RIN2: variants seen among roughly 807,000 people sequenced by gnomAD.
RIN2 encodes the protein Ras and Rab interactor 2.
Under a neutral mutation model 78.0 loss-of-function variants are expected in RIN2, and 36 were observed. That is an observed-to-expected ratio of 0.46 (90% CI 0.35 to 0.61). The LOEUF (loss-of-function observed/expected upper bound fraction) is 0.61, where lower values mean the gene tolerates loss of function less well. RIN2 is among the 20% of genes least tolerant of loss of function. The pLI, the probability that RIN2 is intolerant of heterozygous loss-of-function variation, is 0.00. For synonymous variants in RIN2, 466 were observed against 466.8 expected, an observed-to-expected ratio of 1.00 and a Z score of 0.02; for missense variants, 1,087 against 1,159.7, an observed-to-expected ratio of 0.94 and a Z score of 0.91.
chr20:19,925,099 A>G (rs77100074), intron 3 of RIN2, among the ~76,000 whole-genome samples: 18 of 18,526 alleles, frequency 9.7e-4, no homozygotes, highest in East Asian at 0.021. Context: ...AATTTGTGGA[A>G]AAAAAAAAAA....
At chr20:19,981,702 A>G (rs1014669913) in intron 9 of RIN2, among the ~76,000 whole-genome samples, 2 of 152,224 alleles carry the variant, frequency 1.3e-5, no homozygotes, top group Non-Finnish European at 2.9e-5. Flanking sequence ...GAAGTGGATC[A>G]AAGCCCCAGT....
At chr20:19,758,586 T>G (rs2033483382) in intron 1 of RIN2, among the ~76,000 whole-genome samples, 1 of 152,120 alleles carries the variant, frequency 6.6e-6, no homozygotes, top group African/African-American at 2.4e-5. Context: ...TGGCCGCTGG[T>G]CCCGGCAGGG....
chr20:19,932,457 G>A (rs561824506), intron 3 of RIN2, among the ~76,000 whole-genome samples: 1 of 152,272 alleles, frequency 6.6e-6, no homozygotes, highest in South Asian at 2.1e-4. Flanking sequence ...ATTTGGCATT[G>A]TCAGACTTTT....
chr20:19,941,684 A>G (rs2040876708), intron 4 of RIN2, among the ~76,000 whole-genome samples: 2 of 152,128 alleles, frequency 1.3e-5, no homozygotes, highest in Admixed American at 6.6e-5. Flanking sequence ...TGATCAATTT[A>G]CCCCCAATCC....
At chr20:19,981,211 A>G (rs1319891724) in intron 9 of RIN2, among the ~76,000 whole-genome samples, 1 of 152,194 alleles carries the variant, frequency 6.6e-6, no homozygotes, top group Non-Finnish European at 1.5e-5. Context: ...GGCCTTGTCT[A>G]TACTTCTGGT....
chr20:19,914,613 G>A (rs1185293914), intron 3 of RIN2, among the ~76,000 whole-genome samples: 1 of 152,194 alleles, frequency 6.6e-6, no homozygotes, highest in African/African-American at 2.4e-5. Context: ...CGAGACACTG[G>A]ATATACCGAC....
At chr20:19,831,166 C>T (rs1157565395) in intron 2 of RIN2, among the ~76,000 whole-genome samples, 1 of 152,190 alleles carries the variant, frequency 6.6e-6, no homozygotes, top group African/African-American at 2.4e-5. Context: ...ACCCAATTCA[C>T]CTTAGAAATG....
chr20:19,988,116 A>G (rs1172680822), intron 9 of RIN2, among the ~76,000 whole-genome samples: 1 of 152,002 alleles, frequency 6.6e-6, no homozygotes, highest in African/African-American at 2.4e-5. Flanking sequence ...CAACTCAACT[A>G]TTTCTTTTGC....
chr20:19,870,569 C>A (rs2037660009), intron 2 of RIN2, among the ~76,000 whole-genome samples: 1 of 152,160 alleles, frequency 6.6e-6, no homozygotes, highest in Non-Finnish European at 1.5e-5. Flanking sequence ...ATCACTTGAA[C>A]CCAGGAGGCA....
intron 9 of RIN2, among the ~76,000 whole-genome samples, chr20:19,982,166 G>A (rs887584269): frequency 6.6e-5 from 10 of 152,180 alleles, no homozygotes; most frequent in Non-Finnish European, 8.8e-5. Flanking sequence ...AAAGCAGCGT[G>A]CTTACGAGGT....
chr20:19,929,751 A>G (rs1426354289), intron 3 of RIN2, among the ~76,000 whole-genome samples: 1 of 152,194 alleles, frequency 6.6e-6, no homozygotes, highest in Non-Finnish European at 1.5e-5. Flanking sequence ...TCTGCCCTCA[A>G]AGAAGGAAAT....
intron 2 of RIN2, among the ~76,000 whole-genome samples, chr20:19,872,781 A>G (rs1600669613): frequency 6.6e-6 from 1 of 152,222 alleles, no homozygotes; most frequent in African/African-American, 2.4e-5. Context: ...AATACTGGAC[A>G]TTGGAAACTA....
intron 2 of RIN2, among the ~76,000 whole-genome samples, chr20:19,880,253 A>G (rs2037981138): frequency 1.2e-5 from 1 of 84,608 alleles, no homozygotes; most frequent in South Asian, 3.5e-4. Flanking sequence ...TCTGTCTTAA[A>G]AAAAAAAAAA....
intron 5 of RIN2, among the ~76,000 whole-genome samples, chr20:19,957,727 C>T (rs551497277): frequency 6.6e-6 from 1 of 152,256 alleles, no homozygotes; most frequent in South Asian, 2.1e-4. Flanking sequence ...AATATGGTAG[C>T]TTCTTGCCCC....
chr20:19,760,854 C>A (rs964132282), intron 1 of RIN2, among the ~76,000 whole-genome samples: 1 of 152,162 alleles, frequency 6.6e-6, no homozygotes, highest in South Asian at 2.1e-4. Flanking sequence ...CCCAGTAAGA[C>A]ACCCCCTCAC....
At chr20:19,924,986 G>C (rs966038882) in intron 3 of RIN2, among the ~76,000 whole-genome samples, 1 of 150,426 alleles carries the variant, frequency 6.6e-6, no homozygotes, top group Admixed American at 6.6e-5. Context: ...TGATCCACCC[G>C]CCTCGGCCTC....
chr20:19,846,812 T>A (rs2036799229), intron 2 of RIN2, among the ~76,000 whole-genome samples: 1 of 152,218 alleles, frequency 6.6e-6, no homozygotes, highest in South Asian at 2.1e-4. Context: ...TCAAAGGGAA[T>A]GCTTCCAGTT....
At chr20:19,903,316 G>C (rs1197643799) in intron 3 of RIN2, among the ~76,000 whole-genome samples, 8 of 152,088 alleles carry the variant, frequency 5.3e-5, no homozygotes, top group African/African-American at 1.7e-4. Flanking sequence ...GAAAGAGGGG[G>C]CCATTTCGTC....
intron 3 of RIN2, among the ~76,000 whole-genome samples, chr20:19,916,011 G>A (rs931916085): frequency 1.3e-5 from 2 of 152,224 alleles, no homozygotes; most frequent in East Asian, 3.8e-4. Flanking sequence ...GGAGGCCGAG[G>A]CGAGTGGATC....
Sources: gnomAD v4.1 joint callset for allele counts (sites outside exome capture counted in the v4.1 genomes callset) on GRCh38, gnomAD v4.1.1 for gene constraint, MANE v1.5 for transcripts, NCBI Gene and HGNC (gene_info 2026-07-23, HGNC 2026-07-21) for gene names.